The following LDB2 variants were observed in gnomAD, a reference collection of about 807,000 sequenced individuals.
LDB2 encodes the protein LIM domain binding 2, also known as LIM domain-binding protein 2.
LDB2 carries 12 observed loss-of-function variants against 44.3 expected under a neutral mutation model. The ratio of observed to expected loss-of-function variants is 0.27; its 90% CI spans 0.17 to 0.44. The LOEUF (loss-of-function observed/expected upper bound fraction) is 0.44, where lower values mean the gene tolerates loss of function less well. Ranked by LOEUF, LDB2 falls within the 20% of genes least tolerant of loss-of-function variation. The pLI is 1.00. For missense variants in LDB2, 344 were observed against 473.5 expected (o/e 0.73, Z 2.54); for synonymous variants, 164 against 174.8 (o/e 0.94, Z 0.49).
At chr4:16,536,801 A>G (rs1732026227) in intron 5 of LDB2, among the ~76,000 whole-genome samples, 1 of 152,230 alleles carries the variant, frequency 6.6e-6, no homozygotes, top group South Asian at 2.1e-4. Flanking sequence ...AGCACAGGTT[A>G]GGAGTCAAAC....
intron 2 of LDB2, among the ~76,000 whole-genome samples, chr4:16,731,421 C>T (rs1308002738): frequency 3.3e-5 from 5 of 152,110 alleles, no homozygotes; most frequent in Admixed American, 2.6e-4. Context: ...TTAGAAGAGG[C>T]CATGTGATGT....
Position 16,553,333 on chromosome 4 carries a change from T to G in LDB2, c.615+32589A>C, listed in dbSNP as rs72619116. On this transcript the variant is annotated intron_variant, in intron 5 of 7. Transcript: ENST00000304523. ...ATGCCCAGTTAATTTTTTTTTTGAA[T>G]TTTTTGTAGAGATAGATAGGATCTT... Among the ~76,000 whole-genome samples the G allele has an allele frequency of 0.022, 3,320 of 152,070 alleles. 226 individuals carry two copies. The East Asian group carries it at 0.25, about 11-fold the overall frequency.
chr4:16,892,597 C>T (rs995529012), intron 1 of LDB2, among the ~76,000 whole-genome samples: 2 of 152,092 alleles, frequency 1.3e-5, no homozygotes, highest in African/African-American at 4.8e-5. Flanking sequence ...CAACCAAATC[C>T]AAATAAGTAA....
chr4:16,883,143 C>A (rs1720648273), intron 1 of LDB2, among the ~76,000 whole-genome samples: 1 of 152,192 alleles, frequency 6.6e-6, no homozygotes, highest in Non-Finnish European at 1.5e-5. Context: ...ACACTGTGAC[C>A]AGCAAGATCC....
intron 1 of LDB2, among the ~76,000 whole-genome samples, chr4:16,888,938 C>G (rs561328948): frequency 6.6e-6 from 1 of 152,014 alleles, no homozygotes; most frequent in Non-Finnish European, 1.5e-5. Context: ...GAGGTTGAAG[C>G]CTTTATGTTC....
At chr4:16,801,946 C>A (rs1777910351) in intron 1 of LDB2, among the ~76,000 whole-genome samples, 1 of 152,230 alleles carries the variant, frequency 6.6e-6, no homozygotes, top group Non-Finnish European at 1.5e-5. Flanking sequence ...CCAGAATCCT[C>A]TAACTCCTGA....
intron 1 of LDB2, among the ~76,000 whole-genome samples, chr4:16,861,869 C>T (rs550740764): frequency 1.3e-5 from 2 of 152,330 alleles, no homozygotes; most frequent in East Asian, 3.9e-4. Flanking sequence ...GATTCATCCT[C>T]CCGAACCTAT....
At chr4:16,852,141 T>C (rs1185204963) in intron 1 of LDB2, among the ~76,000 whole-genome samples, 1 of 152,072 alleles carries the variant, frequency 6.6e-6, no homozygotes, top group African/African-American at 2.4e-5. Flanking sequence ...TCTTTTGGGG[T>C]TTTTATGAAG....
chr4:16,621,636 C>T (rs1177063947), intron 2 of LDB2, among the ~76,000 whole-genome samples: 4 of 152,092 alleles, frequency 2.6e-5, no homozygotes, highest in Admixed American at 2.0e-4. Context: ...CACTGCAACC[C>T]TGAACTCCTG....
chr4:16,622,832 G>C (rs959238196), intron 2 of LDB2, among the ~76,000 whole-genome samples: 2 of 152,184 alleles, frequency 1.3e-5, no homozygotes, highest in Middle Eastern at 3.2e-3. Flanking sequence ...TGTAATTTTA[G>C]ATACTTTGTC....
chr4:16,601,984 T>G (rs1213079681), intron 2 of LDB2, among the ~76,000 whole-genome samples: 1 of 152,148 alleles, frequency 6.6e-6, no homozygotes, highest in Admixed American at 6.6e-5. Context: ...TTGTTCTTGG[T>G]GAAGGGAATG....
At chr4:16,739,646 ATATGTGTG>A (rs1329799696) in intron 2 of LDB2, among the ~76,000 whole-genome samples, 2 of 72,290 alleles carry the variant, frequency 2.8e-5, no homozygotes, top group East Asian at 7.2e-4. Context: ...GTATATATAC[ATATGTGTG>A]TATATATGTA....
intron 5 of LDB2, among the ~76,000 whole-genome samples, chr4:16,563,429 ATTTTTTTTTTTTTTTTTTTTT>A (rs1169491759): frequency 1.1e-4 from 5 of 46,576 alleles, no homozygotes; most frequent in East Asian, 5.2e-4. Flanking sequence ...CAGTCATCAG[ATTTTTTTTTTTTTTTTTTTTT>A]TTTTTTTTTT....
At chr4:16,577,127 C>T (rs565906149) in intron 5 of LDB2, among the ~76,000 whole-genome samples, 66 of 152,130 alleles carry the variant, frequency 4.3e-4, no homozygotes, top group Non-Finnish European at 7.9e-4. Context: ...TGGTATCATA[C>T]TGAATGGGGA....
chr4:16,565,003 A>G (rs547893358), intron 5 of LDB2, among the ~76,000 whole-genome samples: 20 of 152,260 alleles, frequency 1.3e-4, no homozygotes, highest in Non-Finnish European at 2.8e-4. Flanking sequence ...TTACAATTAC[A>G]AGAAATTGTA....
chr4:16,509,477 A>G (rs1384667797), intron 6 of LDB2, among the ~76,000 whole-genome samples: 3 of 152,224 alleles, frequency 2.0e-5, no homozygotes, highest in Non-Finnish European at 4.4e-5. Context: ...TTTAATAGAA[A>G]TATAGAGACC....
intron 2 of LDB2, among the ~76,000 whole-genome samples, chr4:16,702,063 T>A (rs1753570734): frequency 1.3e-5 from 2 of 152,156 alleles, no homozygotes; most frequent in Non-Finnish European, 1.5e-5. Context: ...AAAGAAAGAA[T>A]TTATAGCTCA....
Position 16,688,525 on chromosome 4 carries a change from T to C in LDB2, c.235+70633A>G, listed in dbSNP as rs531638827. ...TAAAAAAGCACAAAATGGCATTTTGTTTTATGGCAGTAATTACTGTTACAG... is the reference window on the plus strand; with the variant it reads ...TAAAAAAGCACAAAATGGCATTTTGCTTTATGGCAGTAATTACTGTTACAG... On this transcript the variant is annotated intron_variant, in intron 2 of 7. Transcript: ENST00000304523. 6.6e-5 allele frequency among the ~76,000 whole-genome samples: 10 copies of C among 152,352 alleles called. No homozygotes were observed. The East Asian group carries it at 1.7e-3, about 26-fold the overall frequency.
At chr4:16,504,344 C>T (rs1718507211) in intron 7 of LDB2, among the ~76,000 whole-genome samples, 1 of 152,186 alleles carries the variant, frequency 6.6e-6, no homozygotes, top group South Asian at 2.1e-4. Context: ...TTTATTTCTG[C>T]TCCCCACCAT....
Sources: gnomAD v4.1 joint callset for allele counts (sites outside exome capture counted in the v4.1 genomes callset) on GRCh38, gnomAD v4.1.1 for gene constraint, MANE v1.5 for transcripts, NCBI Gene and HGNC (gene_info 2026-07-23, HGNC 2026-07-21) for gene names.